The following KCNN2 variants were observed in gnomAD, a reference collection of about 807,000 sequenced individuals.
KCNN2 encodes small conductance calcium-activated potassium channel protein 2.
In KCNN2, 24 loss-of-function variants were observed where a neutral mutation model predicts 55.5. The observed-to-expected ratio is 0.43, with a 90% confidence interval of 0.31 to 0.61. The LOEUF (loss-of-function observed/expected upper bound fraction) is 0.61. Among genes scored for constraint, KCNN2 ranks in the 20% least tolerant of loss-of-function variants. The pLI, the probability that KCNN2 is intolerant of heterozygous loss-of-function variation, is 0.08. For missense variants in KCNN2, 754 were observed against 853.6 expected (o/e 0.88, Z 1.45); for synonymous variants, 431 against 336.1 (o/e 1.28, Z -3.09).
chr5:114,468,603 CTAT>C (rs1206972541), intron 4 of KCNN2, among the ~76,000 whole-genome samples: 2 of 151,990 alleles, frequency 1.3e-5, no homozygotes, highest in African/African-American at 2.4e-5. Context: ...GGAGCAGGAG[CTAT>C]TATAAATCCC....
At chr5:114,082,691 A>G (rs1750851511) in intron 1 of KCNN2, among the ~76,000 whole-genome samples, 1 of 152,220 alleles carries the variant, frequency 6.6e-6, no homozygotes, top group African/African-American at 2.4e-5. Context: ...CAGCAGATGA[A>G]TGGGTAAACA....
At chr5:114,306,404 A>G (rs1332495437) in intron 2 of KCNN2, among the ~76,000 whole-genome samples, 1 of 152,194 alleles carries the variant, frequency 6.6e-6, no homozygotes, top group Non-Finnish European at 1.5e-5. Flanking sequence ...CCTGGTAGTG[A>G]TACTAATCTC....
intron 5 of KCNN2, among the ~76,000 whole-genome samples, chr5:114,484,444 C>CACTT (rs1762363207): frequency 6.6e-6 from 1 of 152,140 alleles, no homozygotes; most frequent in African/African-American, 2.4e-5. Flanking sequence ...AGCAAAATTG[C>CACTT]ACTTACACTG....
chr5:114,256,065 T>C (rs962139928), intron 2 of KCNN2, among the ~76,000 whole-genome samples: 3 of 152,114 alleles, frequency 2.0e-5, no homozygotes, highest in Non-Finnish European at 4.4e-5. Context: ...GGGTACACAT[T>C]ATTTAGCTCC....
intron 2 of KCNN2, among the ~76,000 whole-genome samples, chr5:114,296,514 A>G (rs1342814290): frequency 2.6e-5 from 4 of 152,252 alleles, no homozygotes; most frequent in African/African-American, 9.6e-5. Flanking sequence ...AGGTCTCTGT[A>G]GAAATGGCCT....
At position 114,069,542 on chromosome 5, in the gene KCNN2, A is replaced by G. The variant is rs371232499; in HGVS notation, c.-271+13042A>G. Among the ~76,000 whole-genome samples the G allele has an allele frequency of 2.0e-5, 3 of 152,072 alleles. No individual in the cohort carries two copies. In the East Asian group the frequency reaches 5.8e-4, roughly 29 times the overall value. On this transcript the variant is annotated intron_variant, in intron 1 of 10. Coordinates refer to the KCNN2 transcript ENST00000512097. ...TTCTTGCTAATAAGATTATAAGGTAACCTTATTTTCCTTTTCTCTAAATTA... is the reference window on the plus strand; with the variant it reads ...TTCTTGCTAATAAGATTATAAGGTAGCCTTATTTTCCTTTTCTCTAAATTA...
At chr5:114,184,268 A>C (rs769626262) in intron 1 of KCNN2, among the ~76,000 whole-genome samples, 1 of 152,196 alleles carries the variant, frequency 6.6e-6, no homozygotes, top group African/African-American at 2.4e-5. Flanking sequence ...CAGCACTGGA[A>C]ATGCTTTTAC....
Position 114,381,700 on chromosome 5 carries a change from C to T in KCNN2, c.1218+17699C>T, listed in dbSNP as rs114806269. Among the ~76,000 whole-genome samples, 457 of 152,292 alleles carry T rather than the reference C, an allele frequency of 3.0e-3. 4 individuals are homozygous for T. Among genetic ancestry groups the T allele is most frequent in the African/African-American group, 0.01 (433 of 41,554 alleles). On this transcript the variant is annotated intron_variant, in intron 2 of 7. Coordinates refer to ENST00000673685, the MANE Select transcript of KCNN2 (RefSeq NM_021614.4). The stretch of plus-strand genomic sequence containing the variant: ...TGTGAAGCCTTCTCATTATTTCAGA[C>T]GTTTTATTCTCTTCCTTTCCTGAGC...
At chr5:114,074,341 C>CGT (rs70976317) in intron 1 of KCNN2, among the ~76,000 whole-genome samples, 1 of 149,588 alleles carries the variant, frequency 6.7e-6, no homozygotes, top group African/African-American at 2.5e-5. Context: ...CGCGCGCGCG[C>CGT]CAGAGAGAAA....
At chr5:114,210,815 A>G (rs1753866759) in intron 1 of KCNN2, among the ~76,000 whole-genome samples, 2 of 152,184 alleles carry the variant, frequency 1.3e-5, no homozygotes, top group Non-Finnish European at 2.9e-5. Flanking sequence ...TCAAGGGTTT[A>G]AACTATTTCT....
At chr5:114,114,648 A>C (rs908436122) in intron 1 of KCNN2, among the ~76,000 whole-genome samples, 1 of 152,128 alleles carries the variant, frequency 6.6e-6, no homozygotes, top group Non-Finnish European at 1.5e-5. Flanking sequence ...GTGATTGTAC[A>C]GTTTATTCTG....
At chr5:114,081,722 G>C (rs1395583657) in intron 1 of KCNN2, among the ~76,000 whole-genome samples, 1 of 152,112 alleles carries the variant, frequency 6.6e-6, no homozygotes, top group African/African-American at 2.4e-5. Flanking sequence ...TGACTGCTTA[G>C]GTATGACACA....
upstream of KCNN2, among the ~76,000 whole-genome samples, chr5:114,361,528 C>A (rs1757421553): frequency 6.6e-6 from 1 of 152,322 alleles, no homozygotes; most frequent in South Asian, 2.1e-4. Context: ...AGCCGGCAGC[C>A]CACTCTCGGC....
intron 2 of KCNN2, among the ~76,000 whole-genome samples, chr5:114,348,941 G>A (rs1757161288): frequency 6.6e-6 from 1 of 152,050 alleles, no homozygotes; most frequent in South Asian, 2.1e-4. Flanking sequence ...CCCATTTAAA[G>A]TGTATAAATC....
intron 5 of KCNN2, among the ~76,000 whole-genome samples, chr5:114,485,560 A>T (rs1022847011): frequency 1.3e-5 from 2 of 152,288 alleles, no homozygotes; most frequent in Admixed American, 1.3e-4. Context: ...ATGAAGATGG[A>T]TCTAAGAATT....
chr5:114,352,601 C>G (rs1347995242), intron 2 of KCNN2, among the ~76,000 whole-genome samples: 1 of 151,380 alleles, frequency 6.6e-6, no homozygotes, highest in Admixed American at 6.6e-5. Context: ...TAGGTGCATC[C>G]TGTAGGTTTT....
intron 1 of KCNN2, among the ~76,000 whole-genome samples, chr5:114,155,311 T>C (rs1752608146): frequency 6.6e-6 from 1 of 152,184 alleles, no homozygotes; most frequent in Non-Finnish European, 1.5e-5. Context: ...AGGTTGATTC[T>C]GTGTCATTGG....
chr5:114,083,800 T>C (rs142745800), intron 1 of KCNN2, among the ~76,000 whole-genome samples: 11 of 152,250 alleles, frequency 7.2e-5, no homozygotes, highest in Admixed American at 2.6e-4. Flanking sequence ...TTACAAATGA[T>C]AGTTTCACTG....
chr5:114,472,956 T>C, intron 4 of KCNN2, 98 bp from the exon 5 acceptor site: 1 of 640,000 alleles, frequency 1.6e-6, no homozygotes, highest in Non-Finnish European at 2.7e-6. Context: ...TTTTTAATCC[T>C]GAGAAACTTT....
Sources: allele counts gnomAD v4.1 joint callset (sites outside exome capture counted in the v4.1 genomes callset), GRCh38; gene constraint gnomAD v4.1.1; transcripts MANE v1.5; gene names NCBI Gene and HGNC (gene_info 2026-07-23, HGNC 2026-07-21).